Variants in ROBO1 observed in about 807,000 individuals in gnomAD.
ROBO1 encodes roundabout homolog 1.
In ROBO1, 149 loss-of-function variants were observed where a neutral mutation model predicts 195.9. The ratio of observed to expected loss-of-function variants is 0.76; its 90% CI spans 0.67 to 0.87. The LOEUF is 0.87. Ranked by LOEUF, ROBO1 falls within the 40% of genes least tolerant of loss-of-function variation. The pLI is 0.00. For synonymous variants in ROBO1, 816 were observed against 733.2 expected (o/e 1.11, Z -1.82); for missense variants, 1,933 against 2,068.3 (o/e 0.93, Z 1.27).
At chr3:79,695,923 G>T (rs1947433755) in intron 1 of ROBO1, among the ~76,000 whole-genome samples, 1 of 144,690 alleles carries the variant, frequency 6.9e-6, no homozygotes, top group Non-Finnish European at 1.5e-5. Context: ...AAATTAAGCG[G>T]ACACAGTTAT....
chr3:78,804,382 G>A (rs1388853867), intron 4 of ROBO1, among the ~76,000 whole-genome samples: 3 of 151,784 alleles, frequency 2.0e-5, no homozygotes, highest in East Asian at 3.9e-4. Flanking sequence ...TTTCTCAAGC[G>A]TTTTAGGTTA....
At position 79,152,432 on chromosome 3, in the gene ROBO1, G is replaced by A. The variant is rs75124948; in HGVS notation, c.89-26893C>T. 3.2e-3 allele frequency among the ~76,000 whole-genome samples: 480 copies of A among 151,820 alleles called. 12 individuals are homozygous for A. In the East Asian group the frequency reaches 0.074, roughly 23 times the overall value. On this transcript the variant is annotated intron_variant, in intron 2 of 30. Transcript: ENST00000464233. Reference sequence around the variant, plus strand: ...ACTAAGGTGGTACAAGAATATGTGCGTTGACCCTTCACTGCATTTCTACTT... The same window carrying A: ...ACTAAGGTGGTACAAGAATATGTGCATTGACCCTTCACTGCATTTCTACTT...
chr3:79,014,652 T>A (rs2077877308), intron 3 of ROBO1, among the ~76,000 whole-genome samples: 1 of 152,202 alleles, frequency 6.6e-6, no homozygotes, highest in Non-Finnish European at 1.5e-5. Flanking sequence ...TTTTATTTCT[T>A]TATGTTTCTT....
rs1427988278 is a variant in ROBO1 at position 79,382,909 on chromosome 3, T to C, written c.88+206915A>G. On this transcript the variant is annotated intron_variant, in intron 2 of 30. Transcript: ENST00000464233. Reference sequence around the variant, plus strand: ...GGCCTTGGTACTTCAGCTGTTTTCCTCTTACACAGAATCTATCTCCTAAGA... The same window carrying C: ...GGCCTTGGTACTTCAGCTGTTTTCCCCTTACACAGAATCTATCTCCTAAGA... Among the ~76,000 whole-genome samples, 4 of 152,084 alleles carry C rather than the reference T, an allele frequency of 2.6e-5. No individual in the cohort carries two copies. In the East Asian group the frequency reaches 7.7e-4, roughly 29 times the overall value.
chr3:79,425,198 T>C (rs2038397177), intron 2 of ROBO1, among the ~76,000 whole-genome samples: 1 of 152,214 alleles, frequency 6.6e-6, no homozygotes, highest in African/African-American at 2.4e-5. Context: ...TTTATTAAGA[T>C]GCACATTTAT....
chr3:79,436,022 G>C (rs1170601486), intron 2 of ROBO1, among the ~76,000 whole-genome samples: 1 of 152,130 alleles, frequency 6.6e-6, no homozygotes, highest in African/African-American at 2.4e-5. Context: ...CCACTGCAGA[G>C]ATAAAACCCT....
chr3:79,272,092 C>T (rs573523156), intron 2 of ROBO1, among the ~76,000 whole-genome samples: 3 of 151,996 alleles, frequency 2.0e-5, no homozygotes, highest in South Asian at 2.1e-4. Context: ...AGGTCAGTGT[C>T]GCAGCACTCA....
chr3:79,548,316 C>T (rs916645806), intron 2 of ROBO1, among the ~76,000 whole-genome samples: 9 of 152,166 alleles, frequency 5.9e-5, no homozygotes, highest in African/African-American at 1.9e-4. Context: ...TAAACAAATG[C>T]TATGTTGAGT....
intron 3 of ROBO1, among the ~76,000 whole-genome samples, chr3:78,976,357 T>C (rs1219132640): frequency 1.3e-5 from 2 of 152,206 alleles, no homozygotes; most frequent in African/African-American, 2.4e-5. Context: ...TCATTAGTAC[T>C]GTTAGTGCCC....
intron 1 of ROBO1, among the ~76,000 whole-genome samples, chr3:79,703,557 T>C (rs186611291): frequency 3.5e-4 from 53 of 152,070 alleles, no homozygotes; most frequent in Admixed American, 1.6e-3. Context: ...TTTTGAACAA[T>C]TCATTACAAT....
chr3:78,817,984 A>G (rs564814305), intron 4 of ROBO1, among the ~76,000 whole-genome samples: 1 of 152,310 alleles, frequency 6.6e-6, no homozygotes, highest in East Asian at 1.9e-4. Flanking sequence ...CCCACTGGTT[A>G]TATCAAAATA....
intron 2 of ROBO1, among the ~76,000 whole-genome samples, chr3:79,183,726 T>C (rs1392222893): frequency 6.6e-6 from 1 of 152,212 alleles, no homozygotes; most frequent in East Asian, 1.9e-4. Context: ...GGGTCCAATA[T>C]TGCCCCCAGG....
At chr3:79,725,907 A>G (rs1004884689) in intron 1 of ROBO1, among the ~76,000 whole-genome samples, 2 of 151,274 alleles carry the variant, frequency 1.3e-5, no homozygotes, top group African/African-American at 4.9e-5. Flanking sequence ...AGACACTTAA[A>G]AAAAAAAACT....
At chr3:79,710,283 A>G (rs1010631420) in intron 1 of ROBO1, among the ~76,000 whole-genome samples, 8 of 152,114 alleles carry the variant, frequency 5.3e-5, no homozygotes, top group African/African-American at 1.9e-4. Context: ...GTTATGATTA[A>G]AAAAAGAAAC....
chr3:79,369,241 T>C (rs2036097570), intron 2 of ROBO1, among the ~76,000 whole-genome samples: 1 of 152,220 alleles, frequency 6.6e-6, no homozygotes, highest in Non-Finnish European at 1.5e-5. Flanking sequence ...TCCTTCTTCC[T>C]GCTTTAAAAT....
chr3:79,245,638 CA>C (rs2082611684), intron 2 of ROBO1, among the ~76,000 whole-genome samples: 1 of 151,564 alleles, frequency 6.6e-6, no homozygotes, highest in Non-Finnish European at 1.5e-5. Flanking sequence ...CCCCACCCCT[CA>C]AAAAAATGCA....
chr3:79,568,772 C>A (rs1553766388), intron 2 of ROBO1, among the ~76,000 whole-genome samples: 3 of 151,760 alleles, frequency 2.0e-5, no homozygotes, highest in Non-Finnish European at 4.4e-5. Flanking sequence ...AAGGCAAACC[C>A]CAAACAGTCC....
At chr3:78,648,190 C>G (rs1437434215) in intron 19 of ROBO1, among the ~76,000 whole-genome samples, 1 of 151,758 alleles carries the variant, frequency 6.6e-6, no homozygotes, top group Non-Finnish European at 1.5e-5. Flanking sequence ...ACAAACACAA[C>G]ACAAGTAAAG....
intron 1 of ROBO1, among the ~76,000 whole-genome samples, chr3:79,754,598 T>G (rs1576322294): frequency 6.6e-6 from 1 of 152,192 alleles, no homozygotes; most frequent in South Asian, 2.1e-4. Flanking sequence ...TCCCACTCTA[T>G]CATTCTTTCT....
Sources: allele counts gnomAD v4.1 joint callset (sites outside exome capture counted in the v4.1 genomes callset), GRCh38; gene constraint gnomAD v4.1.1; transcripts MANE v1.5; gene names NCBI Gene and HGNC (gene_info 2026-07-23, HGNC 2026-07-21).